The following RELCH variants were observed in gnomAD, a reference collection of about 807,000 sequenced individuals.
RELCH encodes the protein RAB11-binding protein RELCH.
In RELCH, 41 loss-of-function variants were observed where a neutral mutation model predicts 150.3. The ratio of observed to expected loss-of-function variants is 0.27; its 90% CI spans 0.21 to 0.35. RELCH has a LOEUF of 0.35. Ranked by LOEUF, RELCH falls within the 10% of genes least tolerant of loss-of-function variation. RELCH has a pLI of 1.00. For missense variants in RELCH, 1,092 were observed against 1,467.8 expected (o/e 0.74, Z 4.18); for synonymous variants, 478 against 531.8 (o/e 0.90, Z 1.39).
chr18:62,299,329 G>A (rs569755053), intron 28 of RELCH, among the ~76,000 whole-genome samples: 2 of 152,288 alleles, frequency 1.3e-5, no homozygotes, highest in East Asian at 3.9e-4. Context: ...AAGCATAGAC[G>A]TGAAAGAGTA....
intron 28 of RELCH, among the ~76,000 whole-genome samples, chr18:62,301,298 C>T (rs1008786490): frequency 2.0e-5 from 3 of 152,114 alleles, no homozygotes. Context: ...ATTCTGTGTG[C>T]CACACTGGGA....
intron 15 of RELCH, among the ~76,000 whole-genome samples, chr18:62,261,021 A>C (rs963246980): frequency 1.3e-5 from 2 of 152,020 alleles, no homozygotes; most frequent in African/African-American, 4.8e-5. Context: ...TATATTTGAA[A>C]AATAGCTAGA....
intron 5 of RELCH, among the ~76,000 whole-genome samples, chr18:62,226,070 C>G (rs1331183497): frequency 6.6e-6 from 1 of 151,912 alleles, no homozygotes; most frequent in Non-Finnish European, 1.5e-5. Context: ...TAATAGCTAT[C>G]TCATCATTCA....
At chr18:62,275,808 A>C (rs557328238) in intron 22 of RELCH, among the ~76,000 whole-genome samples, 1 of 152,322 alleles carries the variant, frequency 6.6e-6, no homozygotes, top group South Asian at 2.1e-4. Flanking sequence ...ATAAACTGAA[A>C]CAACATAGGA....
At chr18:62,199,699 A>C (rs895873863) in intron 1 of RELCH, among the ~76,000 whole-genome samples, 1 of 152,200 alleles carries the variant, frequency 6.6e-6, no homozygotes, top group African/African-American at 2.4e-5. Flanking sequence ...AACCCAACTT[A>C]CCTGGAATCT....
At chr18:62,279,646 C>A in intron 22 of RELCH, 128 bp from the exon 23 acceptor site, 1 of 606,228 alleles carries the variant, frequency 1.6e-6, no homozygotes, top group Non-Finnish European at 2.9e-6. Context: ...ATTTGCTTAG[C>A]TTCTAATTTT....
chr18:62,270,337 A>G (rs2043823802), intron 20 of RELCH, among the ~76,000 whole-genome samples: 1 of 152,172 alleles, frequency 6.6e-6, no homozygotes, highest in African/African-American at 2.4e-5. Flanking sequence ...CAGGGTGTGA[A>G]CCAGGAGGTG....
intron 1 of RELCH, among the ~76,000 whole-genome samples, chr18:62,199,440 T>C (rs1265249525): frequency 6.6e-6 from 1 of 152,222 alleles, no homozygotes; most frequent in Non-Finnish European, 1.5e-5. Flanking sequence ...CATAAATGCC[T>C]AAGGTAGACA....
Position 62,252,686 on chromosome 18 carries a change from G to T in RELCH, c.1756G>T (p.Val586Leu). Residue 586 changes from valine to leucine, a missense_variant, in exon 12 of 29, where the codon GTG becomes TTG. Val to Leu is a conservative substitution (Grantham distance 32). Coordinates refer to ENST00000644646, the MANE Select transcript of RELCH (RefSeq NM_001346231.2). ...EQRQMILTGC[V>L]AFARHVGPTR... Reference sequence around the variant, plus strand: ...CAGGCAAATGATACTGACAGGTTGTGTGGCATTTGCGCGTCATGTTGGACC... The same window carrying T: ...CAGGCAAATGATACTGACAGGTTGTTTGGCATTTGCGCGTCATGTTGGACC... The T allele has an allele frequency of 6.2e-7, 1 of 1,613,974 alleles. No individual in the cohort carries two copies. Among genetic ancestry groups the T allele is most frequent in the Non-Finnish European group, 8.5e-7 (1 of 1,179,918 alleles).
chr18:62,225,171 C>A (rs1168417219), intron 5 of RELCH, among the ~76,000 whole-genome samples: 2 of 151,458 alleles, frequency 1.3e-5, no homozygotes, highest in Non-Finnish European at 1.5e-5. Context: ...AAACATCAAA[C>A]CATACCATAT....
intron 27 of RELCH, among the ~76,000 whole-genome samples, 180 bp downstream of exon 27, chr18:62,291,811 C>T (rs2045153051): frequency 6.6e-6 from 1 of 152,050 alleles, no homozygotes; most frequent in Non-Finnish European, 1.5e-5. Context: ...ATCTTTAAGC[C>T]TCTCTTTAAT....
intron 2 of RELCH, among the ~76,000 whole-genome samples, chr18:62,213,140 A>G (rs1297602365): frequency 6.6e-6 from 1 of 152,096 alleles, no homozygotes; most frequent in Non-Finnish European, 1.5e-5. Flanking sequence ...TCACTCATTA[A>G]ATAGCACTTG....
chr18:62,193,578 T>G (rs1485591029), intron 1 of RELCH, among the ~76,000 whole-genome samples: 1 of 152,198 alleles, frequency 6.6e-6, no homozygotes, highest in Non-Finnish European at 1.5e-5. Context: ...CATAAAGGAA[T>G]GTTGAATTTT....
chr18:62,251,525 A>G lies in RELCH; in HGVS notation c.1734-1139A>G, dbSNP rs558296719. Among the ~76,000 whole-genome samples the G allele has an allele frequency of 5.9e-5, 9 of 152,314 alleles. No individual in the cohort carries two copies. The East Asian group carries it at 1.7e-3, about 29-fold the overall frequency. On this transcript the variant is annotated intron_variant, in intron 11 of 28. Coordinates refer to ENST00000644646, the MANE Select transcript of RELCH (RefSeq NM_001346231.2). ...CAAGATGGACATCACAGACTTTTGG[A>G]ACCTAATCTCAAAATTGACCTCTTA...
chr18:62,247,590 C>T (rs1390606408), intron 11 of RELCH, among the ~76,000 whole-genome samples: 1 of 150,550 alleles, frequency 6.6e-6, no homozygotes, highest in African/African-American at 2.5e-5. Context: ...GTCTCCCAGG[C>T]TGGAGTGCAG....
rs1328951423 is a variant in RELCH, at chr18:62,221,371, A to T, written c.745-13A>T. The T allele has an allele frequency of 6.4e-7, 1 of 1,571,974 alleles. No individual in the cohort carries two copies. Among genetic ancestry groups the T allele is most frequent in the African/African-American group, 1.4e-5 (1 of 73,900 alleles). The stretch of plus-strand genomic sequence containing the variant: ...ACTTATGATTTCCTGTTTGCCTCTT[A>T]TTTTGCTTCCAGGAGCCAATCAAAC... On this transcript the variant is annotated splice_polypyrimidine_tract_variant and intron_variant, in intron 4 of 28. Transcript: ENST00000644646.
rs1290031171 is a variant in RELCH, at chr18:62,261,492, C to T, written c.2203-19C>T. The T allele has an allele frequency of 6.2e-7, 1 of 1,607,350 alleles. No individual in the cohort carries two copies. Among genetic ancestry groups the T allele is most frequent in the South Asian group, 1.1e-5 (1 of 90,192 alleles). ...AACTTCAAAAGACTAAAATTAGCTT[C>T]CACCTCCTTATGTTTCAGGAAGGAG... is the stretch of plus-strand genomic sequence containing the variant. On this transcript the variant is annotated intron_variant, in intron 15 of 28. Transcript: ENST00000644646.
At chr18:62,262,349 C>T (rs1480469731) in intron 16 of RELCH, among the ~76,000 whole-genome samples, 4 of 152,124 alleles carry the variant, frequency 2.6e-5, no homozygotes, top group Admixed American at 2.6e-4. Flanking sequence ...GGCACCTTTG[C>T]AGCCTTTTCA....
chr18:62,244,982 C>T (rs1387123906), intron 11 of RELCH, 106 bp downstream of exon 11: 8 of 733,898 alleles, frequency 1.1e-5, no homozygotes, highest in African/African-American at 3.5e-5. Context: ...TCTTTCCTTC[C>T]AGTATCTATT....
Sources: allele counts gnomAD v4.1 joint callset (sites outside exome capture counted in the v4.1 genomes callset), GRCh38; gene constraint gnomAD v4.1.1; transcripts MANE v1.5; gene names NCBI Gene and HGNC (gene_info 2026-07-23, HGNC 2026-07-21).